The following CANX variants were observed in gnomAD, a reference collection of about 807,000 sequenced individuals.
CANX encodes epididymis secretory sperm binding protein.
In CANX, 14 loss-of-function variants were observed where a neutral mutation model predicts 75.7. That is an observed-to-expected ratio of 0.19 (90% CI 0.12 to 0.29). The LOEUF (loss-of-function observed/expected upper bound fraction) is 0.29. Ranked by LOEUF, CANX falls within the 10% of genes least tolerant of loss-of-function variation. The probability of loss-of-function intolerance (pLI) is 1.00; values close to 1 mark genes in which losing one functional copy is unlikely to be tolerated. For synonymous variants in CANX, 227 were observed against 236.9 expected, an observed-to-expected ratio of 0.96 and a Z score of 0.38; for missense variants, 567 against 713.2, an observed-to-expected ratio of 0.79 and a Z score of 2.34.
At chr5:179,710,270 A>G (rs1425730260) in intron 7 of CANX, among the ~76,000 whole-genome samples, 3 of 152,016 alleles carry the variant, frequency 2.0e-5, no homozygotes, top group African/African-American at 7.2e-5. Context: ...TAAAAATACA[A>G]ATATTAGCTA....
intron 3 of CANX, 89 bp downstream of exon 3, chr5:179,706,420 G>A: frequency 3.1e-6 from 2 of 641,552 alleles, no homozygotes. Context: ...ATCTTTTATA[G>A]TGAAATGTCT....
At chr5:179,719,615 G>A (rs191899804) in intron 8 of CANX, 53 bp from the exon 9 acceptor site, 2 of 961,256 alleles carry the variant, frequency 2.1e-6, no homozygotes, top group East Asian at 2.4e-5. Flanking sequence ...CCACAAAGTG[G>A]TACTATACTG....
At chr5:179,681,076 G>T in intron 1 of CANX, 1 of 643,710 alleles carries the variant, frequency 1.6e-6, no homozygotes, top group Non-Finnish European at 2.8e-6. Flanking sequence ...CACCTGCTAT[G>T]ACTCACAATG....
chr5:179,698,822 G>T, upstream of CANX: 1 of 752,924 alleles, frequency 1.3e-6, no homozygotes, highest in Non-Finnish European at 1.9e-6. Context: ...GGGCGTATGG[G>T]ACGGTGCGTA....
chr5:179,679,385 G>T, intron 1 of CANX: 2 of 841,662 alleles, frequency 2.4e-6, no homozygotes, highest in Non-Finnish European at 1.8e-6. Context: ...ACCAGCTGCT[G>T]GCCACCGAGG....
At chr5:179,695,450 C>T (rs1416815257), upstream of CANX, among the ~76,000 whole-genome samples, 1 of 151,982 alleles carries the variant, frequency 6.6e-6, no homozygotes, top group African/African-American at 2.4e-5. Context: ...TTGCCTCAGC[C>T]TCCCGAGTAG....
intron 4 of CANX, among the ~76,000 whole-genome samples, chr5:179,707,901 A>G (rs1270842398): frequency 6.6e-6 from 1 of 152,020 alleles, no homozygotes; most frequent in African/African-American, 2.4e-5. Context: ...GAGTGGCGTG[A>G]TCTTGGCTCA....
upstream of CANX, chr5:179,698,367 C>T (rs1019687604): frequency 1.8e-5 from 21 of 1,181,216 alleles, no homozygotes; most frequent in East Asian, 1.9e-4. Context: ...GCTCCTGGGC[C>T]GAGCCATGAC....
intron 12 of CANX, among the ~76,000 whole-genome samples, chr5:179,724,431 C>T (rs1778514013): frequency 6.6e-6 from 1 of 152,112 alleles, no homozygotes; most frequent in Admixed American, 6.6e-5. Flanking sequence ...CCTTTATTTT[C>T]CTGCCTGGCC....
Position 179,723,646 on chromosome 5 carries a change from G to A in CANX, c.1399-14G>A. On this transcript the variant is annotated splice_polypyrimidine_tract_variant and intron_variant, in intron 11 of 14. Coordinates refer to ENST00000247461, the MANE Select transcript of CANX (RefSeq NM_001746.4). ...AAAGCTGGAACTTTCAATCAGCCCT[G>A]TCTTGTTTTTCAGCCAGGCGTTGTG... The A allele has an allele frequency of 6.2e-7, 1 of 1,610,756 alleles. No homozygotes were observed. The highest frequency in any genetic ancestry group is 8.5e-7 in the Non-Finnish European group (1 of 1,179,036).
intron 1 of CANX, among the ~76,000 whole-genome samples, chr5:179,680,327 A>G (rs1213025408): frequency 1.3e-5 from 2 of 152,108 alleles, no homozygotes; most frequent in Non-Finnish European, 2.9e-5. Context: ...ATCTGGGAGG[A>G]TATCTAGCAT....
chr5:179,698,308 A>G (rs1029177830), upstream of CANX: 1 of 646,580 alleles, frequency 1.5e-6, no homozygotes, highest in South Asian at 3.8e-5. Flanking sequence ...ATAACCTCGG[A>G]TTATATTATT....
intron 11 of CANX, chr5:179,723,437 T>TAGAA: frequency 2.1e-6 from 1 of 487,558 alleles, no homozygotes; most frequent in Non-Finnish European, 3.6e-6. Flanking sequence ...GCAGGTGATG[T>TAGAA]AGAAGCCAGC....
intron 1 of CANX, among the ~76,000 whole-genome samples, chr5:179,702,861 C>T (rs1449498519): frequency 1.3e-5 from 2 of 151,992 alleles, no homozygotes; most frequent in Non-Finnish European, 2.9e-5. Context: ...ACTCCACTTC[C>T]CGGGTTCAAG....
chr5:179,714,753 G>A (rs1004066160), intron 7 of CANX, among the ~76,000 whole-genome samples: 4 of 151,878 alleles, frequency 2.6e-5, no homozygotes, highest in Admixed American at 2.0e-4. Flanking sequence ...TCCTGACCTC[G>A]TGATTCGCCC....
At chr5:179,703,842 T>TC (rs1276387715) in intron 1 of CANX, among the ~76,000 whole-genome samples, 1 of 151,918 alleles carries the variant, frequency 6.6e-6, no homozygotes, top group African/African-American at 2.4e-5. Flanking sequence ...GGGTGATGAG[T>TC]CTTCTTGTAG....
chr5:179,719,034 G>A (rs1223783967), intron 8 of CANX, among the ~76,000 whole-genome samples: 3 of 151,698 alleles, frequency 2.0e-5, no homozygotes, highest in Non-Finnish European at 4.4e-5. Flanking sequence ...GGCCTCAAGT[G>A]ATCCTCCTGC....
intron 8 of CANX, among the ~76,000 whole-genome samples, chr5:179,718,971 ATTT>A (rs756637582): frequency 7.5e-6 from 1 of 133,596 alleles, no homozygotes; most frequent in African/African-American, 2.8e-5. Flanking sequence ...GGCCTTGTGT[ATTT>A]TTTTTTTTTT....
At chr5:179,722,059 A>G (rs1453282545) in intron 10 of CANX, among the ~76,000 whole-genome samples, 3 of 152,204 alleles carry the variant, frequency 2.0e-5, no homozygotes, top group Non-Finnish European at 4.4e-5. Context: ...GGCTGGGCGT[A>G]GTGGCTCACG....
Sources: gnomAD v4.1 joint callset for allele counts (sites outside exome capture counted in the v4.1 genomes callset) on GRCh38, gnomAD v4.1.1 for gene constraint, MANE v1.5 for transcripts, NCBI Gene and HGNC (gene_info 2026-07-23, HGNC 2026-07-21) for gene names.